GRAMD4: variants seen among roughly 807,000 people sequenced by gnomAD.
The protein encoded by GRAMD4 is GRAM domain-containing protein 4.
A neutral mutation model predicts 83.9 loss-of-function variants in GRAMD4; 25 were observed. The ratio of observed to expected loss-of-function variants is 0.30; its 90% CI spans 0.22 to 0.42. GRAMD4 has a LOEUF of 0.42. Ranked by LOEUF, GRAMD4 falls within the 10% of genes least tolerant of loss-of-function variation. The pLI is 1.00. For synonymous variants in GRAMD4, 336 were observed against 320.9 expected (o/e 1.05, Z -0.50); for missense variants, 593 against 788.7 (o/e 0.75, Z 2.97).
chr22:46,591,564 G>A (rs1602302449), intron 1 of GRAMD4, among the ~76,000 whole-genome samples: 1 of 152,066 alleles, frequency 6.6e-6, no homozygotes, highest in East Asian at 1.9e-4. Flanking sequence ...GCCGTGCACG[G>A]TGCCTCACGC....
chr22:46,588,720 C>T (rs1393999467), intron 1 of GRAMD4, among the ~76,000 whole-genome samples: 2 of 113,926 alleles, frequency 1.8e-5, no homozygotes, highest in African/African-American at 1.0e-4. Context: ...CCCAGCACCG[C>T]CCTCTCCATC....
intron 1 of GRAMD4, among the ~76,000 whole-genome samples, chr22:46,623,588 C>G (rs1280792223): frequency 6.6e-6 from 1 of 151,558 alleles, no homozygotes; most frequent in East Asian, 1.9e-4. Flanking sequence ...AGTAGAGATG[C>G]AGTTTCACCG....
At chr22:46,608,512 C>T (rs1388484176) in intron 1 of GRAMD4, among the ~76,000 whole-genome samples, 1 of 152,114 alleles carries the variant, frequency 6.6e-6, no homozygotes, top group Non-Finnish European at 1.5e-5. Context: ...AACCCCATCT[C>T]TACTAAAAAT....
At chr22:46,632,404 G>A (rs894346911) in intron 2 of GRAMD4, among the ~76,000 whole-genome samples, 2 of 152,184 alleles carry the variant, frequency 1.3e-5, no homozygotes, top group African/African-American at 4.8e-5. Flanking sequence ...TTCAGTTGAG[G>A]CAAAAGTTGG....
chr22:46,668,300 G>A, intron 11 of GRAMD4, 133 bp downstream of exon 11: 1 of 637,400 alleles, frequency 1.6e-6, no homozygotes, highest in Non-Finnish European at 2.8e-6. Flanking sequence ...GCCTGACACT[G>A]CAGGCCCGGT....
At chr22:46,661,528 A>G (rs1296948618) in intron 5 of GRAMD4, 86 bp downstream of exon 5, 3 of 921,866 alleles carry the variant, frequency 3.3e-6, no homozygotes, top group African/African-American at 1.6e-5. Context: ...CAGGTTAACA[A>G]TGGAGCAGAT....
chr22:46,628,485 A>AGTGT (rs566902241), intron 2 of GRAMD4, among the ~76,000 whole-genome samples: 1 of 43,938 alleles, frequency 2.3e-5, no homozygotes. Flanking sequence ...GGGTGGACTG[A>AGTGT]GTGCGTTGGT....
intron 5 of GRAMD4, among the ~76,000 whole-genome samples, chr22:46,662,136 G>A (rs2082336967): frequency 6.6e-6 from 1 of 152,232 alleles, no homozygotes; most frequent in Non-Finnish European, 1.5e-5. Context: ...GATCTCACCT[G>A]GACCCTCCCC....
At position 46,662,976 on chromosome 22, in the gene GRAMD4, G is replaced by C. The variant is rs917742236; in HGVS notation, c.467-64G>C. ...GGCCCCTCCCTGCCCTGAGATCCCG[G>C]AGCCGACCCCAGAACAGGCAGTGCA... On this transcript the variant is annotated intron_variant, in intron 5 of 18. Coordinates refer to ENST00000406902, the MANE Select transcript of GRAMD4 (RefSeq NM_015124.5). The C allele has an allele frequency of 1.1e-5, 16 of 1,494,426 alleles. No homozygotes were observed. In the African/African-American group the frequency reaches 2.2e-4, roughly 21 times the overall value. The allele number at this position is 1,494,426 out of a possible 1,614,324, so 92.6% of individuals were successfully genotyped here.
At chr22:46,584,604 AC>A (rs1191163728) in intron 1 of GRAMD4, among the ~76,000 whole-genome samples, 1 of 151,262 alleles carries the variant, frequency 6.6e-6, no homozygotes, top group Non-Finnish European at 1.5e-5. Flanking sequence ...TGTTAGTGGG[AC>A]CCCCCGGGAA....
At chr22:46,666,709 A>T in intron 9 of GRAMD4, 116 bp from the exon 10 acceptor site, 1 of 832,108 alleles carries the variant, frequency 1.2e-6, no homozygotes, top group Non-Finnish European at 2.1e-6. Flanking sequence ...GGCAGCATAG[A>T]AGGACCTAGA....
Position 46,669,410 on chromosome 22 carries a change from C to T in GRAMD4, c.1084+502C>T, listed in dbSNP as rs182470286. Among the ~76,000 whole-genome samples the T allele has an allele frequency of 1.5e-3, 221 of 147,672 alleles. 1 individual carries two copies. Among genetic ancestry groups the T allele is most frequent in the South Asian group, 2.5e-3 (11 of 4,372 alleles). On this transcript the variant is annotated intron_variant, in intron 13 of 18. Coordinates refer to ENST00000406902, the MANE Select transcript of GRAMD4 (RefSeq NM_015124.5). ...AAGGAGGGTGGCTGGCGGTGAGGACCGGGCTGTGCCGGGAGGTGGGTGGGG... is the reference window on the plus strand; with the variant it reads ...AAGGAGGGTGGCTGGCGGTGAGGACTGGGCTGTGCCGGGAGGTGGGTGGGG...
intron 1 of GRAMD4, among the ~76,000 whole-genome samples, chr22:46,577,450 C>A (rs181995407): frequency 1.4e-5 from 2 of 146,246 alleles, no homozygotes; most frequent in African/African-American, 4.9e-5. Context: ...GAGCAGGGCC[C>A]TGCGCGGGCG....
At chr22:46,576,783 G>T (rs1229014045), upstream of GRAMD4, among the ~76,000 whole-genome samples, 1 of 3,758 alleles carries the variant, frequency 2.7e-4, no homozygotes, top group Admixed American at 5.9e-3. Context: ...CCACAGCAGC[G>T]AGCGTGCTCC....
intron 3 of GRAMD4, among the ~76,000 whole-genome samples, chr22:46,656,419 C>G (rs962336584): frequency 6.6e-6 from 1 of 152,220 alleles, no homozygotes; most frequent in Non-Finnish European, 1.5e-5. Flanking sequence ...AGTCCACCCG[C>G]GGCTGCTCCC....
intron 1 of GRAMD4, among the ~76,000 whole-genome samples, chr22:46,584,802 C>T (rs966273920): frequency 1.3e-5 from 2 of 152,220 alleles, no homozygotes; most frequent in Non-Finnish European, 2.9e-5. Context: ...CCCGCAGGGA[C>T]GGGCACGGGC....
Position 46,675,524 on chromosome 22 carries a change from A to T in GRAMD4, c.1535A>T (p.Lys512Met). The stretch of plus-strand genomic sequence containing the variant: ...TCCTCAAAGAGGAACAAAGTCATCA[A>T]GCTAGTGGACATCACGGACATCCAG... ...SGSSKRNKVI[K>M]LVDITDIQKY... is the part of the protein sequence containing the mutation. The change falls in exon 17 of 19, where the codon AAG becomes ATG. Residue 512 changes from lysine (K) to methionine (M), a missense_variant. Around this residue, in one of 4 missense-constraint regions of GRAMD4, gnomAD observed 74 missense variants for 152.7 expected, o/e 0.48. Transcript: ENST00000406902. The T allele has an allele frequency of 6.2e-7, 1 of 1,612,896 alleles. No individual in the cohort carries two copies. Among genetic ancestry groups the T allele is most frequent in the Non-Finnish European group, 8.5e-7 (1 of 1,179,100 alleles).
chr22:46,658,897 T>C (rs1215408543), intron 4 of GRAMD4, among the ~76,000 whole-genome samples: 1 of 150,522 alleles, frequency 6.6e-6, no homozygotes, highest in Non-Finnish European at 1.5e-5. Context: ...ACATCTTTGC[T>C]CTTGTTTGTG....
At chr22:46,629,299 G>C (rs2081729252) in intron 2 of GRAMD4, among the ~76,000 whole-genome samples, 1 of 152,168 alleles carries the variant, frequency 6.6e-6, no homozygotes, top group Admixed American at 6.5e-5. Flanking sequence ...TCCACCCCCA[G>C]GCCTGCTTTA....
Sources: allele counts gnomAD v4.1 joint callset (sites outside exome capture counted in the v4.1 genomes callset), GRCh38; gene constraint gnomAD v4.1.1; regional missense constraint gnomAD v4.1.1; transcripts MANE v1.5; gene names NCBI Gene and HGNC (gene_info 2026-07-23, HGNC 2026-07-21).